The following CPEB1 variants were observed in gnomAD, a reference collection of about 807,000 sequenced individuals.
CPEB1 encodes cytoplasmic polyadenylation element-binding protein 1.
Under a neutral mutation model 65.8 loss-of-function variants are expected in CPEB1, and 7 were observed. The observed-to-expected ratio is 0.11, with a 90% CI of 0.06 to 0.20. The LOEUF (loss-of-function observed/expected upper bound fraction) is 0.20, where lower values mean the gene tolerates loss of function less well. Ranked by LOEUF, CPEB1 falls within the 10% of genes least tolerant of loss-of-function variation. The pLI is 1.00. For missense variants in CPEB1, 551 were observed against 712.2 expected (o/e 0.77, Z 2.58); for synonymous variants, 262 against 260.0 (o/e 1.01, Z -0.08).
At chr15:82,567,813 C>T (rs1279383489) in intron 4 of CPEB1, among the ~76,000 whole-genome samples, 1 of 152,142 alleles carries the variant, frequency 6.6e-6, no homozygotes, top group African/African-American at 2.4e-5. Flanking sequence ...TCCAGGTCCC[C>T]CACAGTAGTC....
intron 3 of CPEB1, among the ~76,000 whole-genome samples, chr15:82,589,587 T>C (rs948911250): frequency 2.0e-5 from 3 of 151,760 alleles, no homozygotes; most frequent in African/African-American, 4.8e-5. Context: ...CTACCAAAAA[T>C]ACAAAAATTA....
At chr15:82,579,316 C>T (rs934048929) in intron 3 of CPEB1, among the ~76,000 whole-genome samples, 5 of 152,064 alleles carry the variant, frequency 3.3e-5, no homozygotes, top group African/African-American at 1.2e-4. Flanking sequence ...AGACAAATAG[C>T]TGGACATGGT....
intron 3 of CPEB1, among the ~76,000 whole-genome samples, chr15:82,601,252 A>G (rs983088170): frequency 7.1e-6 from 1 of 141,840 alleles, no homozygotes; most frequent in African/African-American, 2.7e-5. Flanking sequence ...AAAAAAAAAG[A>G]TTTTTACACT....
rs2034632779 is a variant in CPEB1, at chr15:82,543,463, A to ATTTT, written c.*1128_*1129insAAAA. The stretch of plus-strand genomic sequence containing the variant: ...TTTGTGGGTTTTTTGTTTCTTTTTA[A>ATTTT]AAAAAAAAAAAAAAAAAAAAAGGAA... On this transcript the variant is annotated 3_prime_UTR_variant, in exon 13 of 13. Transcript: ENST00000684509. The ATTTT allele has an allele frequency of 3.5e-3, 339 of 96,328 alleles. 6 individuals carry two copies. The highest frequency in any genetic ancestry group is 0.031 in the Admixed American group (294 of 9,562). The allele number at this position is 96,328 out of a possible 1,614,324, so 6.0% of individuals were successfully genotyped here.
Position 82,606,114 on chromosome 15 carries a change from C to G in CPEB1, c.271+21079G>C, listed in dbSNP as rs539664573. ...ATAAAGCGATACTGGTGCAAAGTTTCTGTATACTACTGAAAATAAAATTGG... is the reference window on the plus strand; with the variant it reads ...ATAAAGCGATACTGGTGCAAAGTTTGTGTATACTACTGAAAATAAAATTGG... On this transcript the variant is annotated intron_variant, in intron 3 of 12. Transcript: ENST00000684509. Among the ~76,000 whole-genome samples the G allele has an allele frequency of 7.9e-5, 12 of 152,282 alleles. No individual in the cohort carries two copies. In the South Asian group the frequency reaches 2.1e-3, roughly 26 times the overall value.
At chr15:82,587,388 C>T (rs1424240476) in intron 3 of CPEB1, among the ~76,000 whole-genome samples, 2 of 152,178 alleles carry the variant, frequency 1.3e-5, no homozygotes, top group Non-Finnish European at 2.9e-5. Flanking sequence ...ATGCCTGTCA[C>T]AATGCAATCA....
intron 5 of CPEB1, 137 bp from the exon 6 acceptor site, chr15:82,556,259 C>T (rs1333957161): frequency 1.2e-5 from 12 of 1,006,104 alleles, no homozygotes; most frequent in Non-Finnish European, 1.7e-5. Context: ...TCTTCCTGAG[C>T]AATTTTGATT....
At chr15:82,604,185 C>CA (rs1207564635) in intron 3 of CPEB1, among the ~76,000 whole-genome samples, 6 of 152,110 alleles carry the variant, frequency 3.9e-5, no homozygotes, top group South Asian at 4.2e-4. Flanking sequence ...TCCATTGCTA[C>CA]AAAAAACAAA....
chr15:82,571,525 C>T lies in CPEB1; in HGVS notation c.279G>A (p.Gln93=), dbSNP rs764303024. ...RGIHDHLPDF[Q]DSEETVTSRM... Reference sequence around the variant, plus strand: ...TGCTTGTAACTGTTTCTTCAGAGTCCTGGAAGTCTGTTTTGGAAAGGAGCA... The same window carrying T: ...TGCTTGTAACTGTTTCTTCAGAGTCTTGGAAGTCTGTTTTGGAAAGGAGCA... Residue 93 remains glutamine (Q), a synonymous_variant, in exon 4 of 13, where the codon CAG becomes CAA. Transcript: ENST00000684509. 9.3e-6 allele frequency: 15 copies of T among 1,613,350 alleles called. No individual in the cohort carries two copies. In the East Asian group the frequency reaches 3.1e-4, roughly 34 times the overall value.
chr15:82,579,630 C>T (rs2041032966), intron 3 of CPEB1, among the ~76,000 whole-genome samples: 1 of 151,870 alleles, frequency 6.6e-6, no homozygotes, highest in African/African-American at 2.4e-5. Flanking sequence ...CTCTCAAGCA[C>T]GGCCGGGCGC....
intron 10 of CPEB1, 72 bp from the exon 11 acceptor site, chr15:82,547,309 T>TC: frequency 1.1e-6 from 1 of 947,776 alleles, no homozygotes; most frequent in Non-Finnish European, 1.6e-6. Flanking sequence ...TTTTTTTTTT[T>TC]TTTTTGAGAT....
rs118096578 is a variant in CPEB1 at position 82,587,462 on chromosome 15, T to C, written c.272-15930A>G. 1.2e-4 allele frequency among the ~76,000 whole-genome samples: 18 copies of C among 152,298 alleles called. No individual in the cohort carries two copies. The East Asian group carries it at 2.7e-3, about 23-fold the overall frequency. ...CTACGAACTTAGCCATTAAAATACA[T>C]ACCTCAGCATATGACAAAGGAGAAC... On this transcript the variant is annotated intron_variant, in intron 3 of 12. Transcript: ENST00000684509.
chr15:82,556,942 A>G (rs573051257), intron 5 of CPEB1, among the ~76,000 whole-genome samples: 71 of 152,326 alleles, frequency 4.7e-4, no homozygotes, highest in South Asian at 3.1e-3. Flanking sequence ...GGAAGAGAAG[A>G]AGGTGGTAAA....
chr15:82,627,620 A>G (rs1278531730), intron 2 of CPEB1, among the ~76,000 whole-genome samples: 1 of 152,336 alleles, frequency 6.6e-6, no homozygotes, highest in East Asian at 1.9e-4. Context: ...CCAGGATTTA[A>G]GGCAAAAAGG....
In CPEB1 at chr15:82,558,034, A is replaced by C. The variant is rs773839824; in HGVS notation, c.461-48T>G. 6.7e-6 allele frequency: 9 copies of C among 1,336,414 alleles called. No individual in the cohort carries two copies. In the South Asian group the frequency reaches 1.3e-4, roughly 19 times the overall value. 82.8% of individuals were successfully genotyped at this position (1,336,414 alleles called of 1,614,324 possible). A position where few individuals can be genotyped will look rare whatever the true frequency, so the allele number is the denominator to read the frequency against. On this transcript the variant is annotated intron_variant, in intron 4 of 12. Coordinates refer to ENST00000684509, the MANE Select transcript of CPEB1 (RefSeq NM_001365242.1). ...CTCATGACCTCTTAGTTTTCTTTGC[A>C]GCCAACAGCCTCTTTCTTCTCCTAC...
chr15:82,641,539 A>C (rs746833138), intron 1 of CPEB1: 4 of 152,206 alleles, frequency 2.6e-5, no homozygotes, highest in Non-Finnish European at 5.9e-5. Context: ...GCCAAGAATA[A>C]AGAAACAAGT....
At chr15:82,573,267 T>TC (rs1397123821) in intron 3 of CPEB1, 1 of 1,050,598 alleles carries the variant, frequency 9.5e-7, no homozygotes, top group Non-Finnish European at 1.3e-6. Context: ...TGCTGCTGTG[T>TC]CATCCATCCA....
At chr15:82,566,789 G>A (rs1394158801) in intron 4 of CPEB1, among the ~76,000 whole-genome samples, 1 of 152,080 alleles carries the variant, frequency 6.6e-6, no homozygotes, top group African/African-American at 2.4e-5. Context: ...TGCACTGAAA[G>A]CTTTCCCAAA....
In CPEB1 at chr15:82,617,724, G is replaced by GTTTT. The variant is rs35267620; in HGVS notation, c.271+9465_271+9468dup. On this transcript the variant is annotated intron_variant, in intron 3 of 12. Coordinates refer to ENST00000684509, the MANE Select transcript of CPEB1 (RefSeq NM_001365242.1). ...ATTAATTGTTATTAATTCTATTAAA[G>GTTTT]TTTTTTTTTTTTTTTTTTTTTTTTT... Among the ~76,000 whole-genome samples, 51 of 83,864 alleles carry GTTTT rather than the reference G, an allele frequency of 6.1e-4. 1 individual carries two copies. The highest frequency in any genetic ancestry group is 8.2e-4 in the African/African-American group (17 of 20,722). The allele number at this position is 83,864 out of a possible 152,430, so 55.0% of individuals were successfully genotyped here. A position where few individuals can be genotyped will look rare whatever the true frequency, so the allele number is the denominator to read the frequency against.
Sources: allele counts gnomAD v4.1 joint callset (sites outside exome capture counted in the v4.1 genomes callset), GRCh38; gene constraint gnomAD v4.1.1; transcripts MANE v1.5; gene names NCBI Gene and HGNC (gene_info 2026-07-23, HGNC 2026-07-21).